F9: variants seen among roughly 807,000 people sequenced by gnomAD.
F9 encodes the protein coagulation factor IX.
Under a neutral mutation model 34.1 loss-of-function variants are expected in F9, and 2 were observed. The ratio of observed to expected loss-of-function variants is 0.06; its 90% confidence interval spans 0.02 to 0.18. The LOEUF is 0.18. F9 is among the 10% of genes least tolerant of loss of function. F9 has a pLI of 1.00. For missense variants in F9, 216 were observed against 345.1 expected, an observed-to-expected ratio of 0.63 and a Z score of 2.96; for synonymous variants, 137 against 118.8, an observed-to-expected ratio of 1.15 and a Z score of -1.00.
Position 139,536,893 on chromosome X carries a change from A to C in F9, c.89-117A>C, listed in dbSNP as rs1927487891. 8 of 778,074 alleles carry C rather than the reference A, an allele frequency of 1.0e-5. No homozygotes were observed. The Admixed American group carries it at 2.3e-4, about 23-fold the overall frequency. 64.1% of individuals were successfully genotyped at this position (778,074 alleles called of 1,213,427 possible). A position where few individuals can be genotyped will look rare whatever the true frequency, so the allele number is the denominator to read the frequency against. On this transcript the variant is annotated intron_variant, in intron 1 of 7. Transcript: ENST00000218099. ...CACAGATTTTGGCTCCATGCCCTAAAGAGAAATTGGCTTTCAGATTATTTG... is the reference window on the plus strand; with the variant it reads ...CACAGATTTTGGCTCCATGCCCTAACGAGAAATTGGCTTTCAGATTATTTG...
At position 139,530,761 on chromosome X, in the gene F9, G is replaced by A. The variant is rs754373101; in HGVS notation, c.-4G>A. 1.7e-6 allele frequency: 2 copies of A among 1,207,996 alleles called. No homozygotes were observed. Among genetic ancestry groups the A allele is most frequent in the Admixed American group, 2.2e-5 (1 of 45,999 alleles). The stretch of plus-strand genomic sequence containing the variant: ...ACCACTTTCACAATCTGCTAGCAAA[G>A]GTTATGCAGCGCGTGAACATGATCA... On this transcript the variant is annotated 5_prime_UTR_variant, in exon 1 of 8. Transcript: ENST00000218099.
chrX:139,541,231 C>T lies in F9; in HGVS notation c.391+42C>T, dbSNP rs189718801. ...TGAATACTCATGGTTCAAAGTTTCC[C>T]TCTGAAACAAGTTGAAACTGGAAAA... On this transcript the variant is annotated intron_variant, in intron 4 of 7. Coordinates refer to ENST00000218099, the MANE Select transcript of F9 (RefSeq NM_000133.4). 307 of 961,181 alleles carry T rather than the reference C, an allele frequency of 3.2e-4. No homozygotes were observed. In the African/African-American group the frequency reaches 5.0e-3, roughly 16 times the overall value. 79.2% of individuals were successfully genotyped at this position (961,181 alleles called of 1,213,427 possible). A position where few individuals can be genotyped will look rare whatever the true frequency, so the allele number is the denominator to read the frequency against.
chrX:139,539,225 C>A (rs1238902448), intron 3 of F9, among the ~76,000 whole-genome samples: 2 of 111,805 alleles, frequency 1.8e-5, no homozygotes, highest in Non-Finnish European at 3.8e-5. Flanking sequence ...TCCTTGTGAC[C>A]AAAGCATTAT....
rs1294309048 is a variant in F9 at position 139,552,440 on chromosome X, G to T, written c.723+1176G>T. Among the ~76,000 whole-genome samples, 3 of 112,046 alleles carry T rather than the reference G, an allele frequency of 2.7e-5. No individual in the cohort carries two copies. The East Asian group carries it at 8.5e-4, about 32-fold the overall frequency. On this transcript the variant is annotated intron_variant, in intron 6 of 7. Coordinates refer to ENST00000218099, the MANE Select transcript of F9 (RefSeq NM_000133.4). ...CTTAGCCTACAGCTGAAGCCTAAGA[G>T]ATTCCGTCTGTGAGAAGAAATAACC... is the stretch of plus-strand genomic sequence containing the variant.
intron 1 of F9, among the ~76,000 whole-genome samples, chrX:139,534,483 C>A (rs4149670): frequency 0.31 from 33,839 of 110,427 alleles, 4,038 homozygotes; most frequent in African/African-American, 0.43. Context: ...TCCACAGCCA[C>A]AGATTCAATT....
chrX:139,542,904 T>A (rs1347456841), intron 4 of F9, among the ~76,000 whole-genome samples: 1 of 111,289 alleles, frequency 9.0e-6, no homozygotes, highest in Non-Finnish European at 1.9e-5. Flanking sequence ...CTACAGTATA[T>A]TGATCTGACC....
chrX:139,555,506 C>G (rs948497774), intron 6 of F9, among the ~76,000 whole-genome samples: 8 of 112,846 alleles, frequency 7.1e-5, no homozygotes, highest in Non-Finnish European at 1.5e-4. Flanking sequence ...TGTTTGCTAC[C>G]TCCTAAAGCC....
At chrX:139,550,708 C>T (rs1927819810) in intron 5 of F9, among the ~76,000 whole-genome samples, 1 of 111,675 alleles carries the variant, frequency 9.0e-6, no homozygotes, top group Non-Finnish European at 1.9e-5. Context: ...ATAAGACTTC[C>T]ATTCAGGGAT....
chrX:139,535,238 A>C (rs998684502), intron 1 of F9, among the ~76,000 whole-genome samples: 9 of 111,153 alleles, frequency 8.1e-5, no homozygotes, highest in Non-Finnish European at 1.3e-4. Context: ...GGGTGCCTGT[A>C]ATCCCAGCTA....
At chrX:139,560,976 G>A in intron 7 of F9, 121 bp downstream of exon 7, 1 of 598,276 alleles carries the variant, frequency 1.7e-6, no homozygotes, top group Non-Finnish European at 2.8e-6. Flanking sequence ...AAGGCAGAAG[G>A]GTCATAATTT....
At chrX:139,545,220 A>G (rs1012106277) in intron 4 of F9, 9 of 112,062 alleles carry the variant, frequency 8.0e-5, no homozygotes, top group Non-Finnish European at 1.7e-4. Flanking sequence ...ATTTCTATTG[A>G]AAGTTTTACT....
chrX:139,553,843 T>TAA (rs774758448), intron 6 of F9, among the ~76,000 whole-genome samples: 2 of 67,551 alleles, frequency 3.0e-5, no homozygotes, highest in African/African-American at 5.6e-5. Context: ...AGTCCAAGAT[T>TAA]AAAAAAAAAA....
At chrX:139,550,998 G>C in intron 5 of F9, 64 bp from the exon 6 acceptor site, 1 of 1,027,978 alleles carries the variant, frequency 9.7e-7, no homozygotes, top group Non-Finnish European at 1.4e-6. Context: ...CTCAATTTTT[G>C]TAATACATGT....
At chrX:139,537,882 T>C (rs4149683) in intron 3 of F9, among the ~76,000 whole-genome samples, 1 of 111,187 alleles carries the variant, frequency 9.0e-6, no homozygotes, top group South Asian at 3.9e-4. Flanking sequence ...TTGCACACTC[T>C]AGGAATGCTC....
chrX:139,545,358 T>C (rs771402107), intron 4 of F9, among the ~76,000 whole-genome samples: 6 of 111,676 alleles, frequency 5.4e-5, no homozygotes, highest in Non-Finnish European at 7.5e-5. Flanking sequence ...AGCTAACAAG[T>C]CCTGAAACAT....
intron 6 of F9, among the ~76,000 whole-genome samples, 187 bp downstream of exon 6, chrX:139,551,451 A>G (rs1370658603): frequency 9.0e-6 from 1 of 111,119 alleles, no homozygotes; most frequent in East Asian, 2.9e-4. Flanking sequence ...GCTCAAAACC[A>G]GCTACCATAC....
At chrX:139,548,298 G>T in intron 4 of F9, 65 bp from the exon 5 acceptor site, 6 of 1,142,476 alleles carry the variant, frequency 5.3e-6, no homozygotes, top group Non-Finnish European at 7.2e-6. Context: ...TGAGTCAGTA[G>T]TTCCATGTAC....
At chrX:139,558,974 G>A (rs1045970996) in intron 6 of F9, among the ~76,000 whole-genome samples, 66 of 111,851 alleles carry the variant, frequency 5.9e-4, no homozygotes, top group African/African-American at 2.1e-3. Flanking sequence ...GCAGACTTGA[G>A]TTTGCTTCCT....
chrX:139,537,688 T>G (rs186660031), intron 3 of F9, among the ~76,000 whole-genome samples: 112 of 111,767 alleles, frequency 1.0e-3, no homozygotes, highest in African/African-American at 3.6e-3. Flanking sequence ...TTTGCATTCC[T>G]CAGTAAAATC....
Sources: gnomAD v4.1 joint callset for allele counts (sites outside exome capture counted in the v4.1 genomes callset) on GRCh38, gnomAD v4.1.1 for gene constraint, MANE v1.5 for transcripts, NCBI Gene and HGNC (gene_info 2026-07-23, HGNC 2026-07-21) for gene names.